EML6: variants seen among roughly 807,000 people sequenced by gnomAD.
EML6 encodes echinoderm microtubule-associated protein-like 6.
Under a neutral mutation model 240.1 loss-of-function variants are expected in EML6, and 154 were observed. The observed-to-expected ratio is 0.64, with a 90% CI of 0.56 to 0.73. The LOEUF (loss-of-function observed/expected upper bound fraction) is 0.73, where lower values mean the gene tolerates loss of function less well. EML6 is among the 30% of genes least tolerant of loss of function. The pLI, the probability that EML6 is intolerant of heterozygous loss-of-function variation, is 0.00. For missense variants in EML6, 2,964 were observed against 2,474.6 expected (o/e 1.20, Z -4.20); for synonymous variants, 1,148 against 899.0 (o/e 1.28, Z -4.95).
chr2:54,874,693 A>G (rs781677233), intron 16 of EML6, among the ~76,000 whole-genome samples: 1 of 152,194 alleles, frequency 6.6e-6, no homozygotes, highest in Non-Finnish European at 1.5e-5. Flanking sequence ...ATACAGATGA[A>G]TTGTAGTCAT....
At chr2:54,874,093 C>A (rs879589737) in intron 16 of EML6, among the ~76,000 whole-genome samples, 1 of 151,968 alleles carries the variant, frequency 6.6e-6, no homozygotes, top group Non-Finnish European at 1.5e-5. Context: ...TTTTTGAAAT[C>A]GAAATAATTA....
intron 17 of EML6, among the ~76,000 whole-genome samples, chr2:54,884,928 C>T (rs1672040219): frequency 6.6e-6 from 1 of 152,122 alleles, no homozygotes. Context: ...AATCCCAGCA[C>T]TCTGGGAGGC....
intron 26 of EML6, among the ~76,000 whole-genome samples, chr2:54,917,632 A>G (rs1444347429): frequency 6.6e-6 from 1 of 152,156 alleles, no homozygotes; most frequent in African/African-American, 2.4e-5. Flanking sequence ...AACTGCTGGG[A>G]TTATGGGCGT....
rs1670808562 is a variant in EML6 at position 54,863,789 on chromosome 2, G to A, written c.1832G>A (p.Gly611Glu). Residue 611 changes from glycine (G) to glutamate (E), a missense_variant, in exon 13 of 42, where the codon GGA becomes GAA. Physicochemically the swap from Gly to Glu is moderately conservative, Grantham distance 98. Coordinates refer to ENST00000356458, the MANE Select transcript of EML6 (RefSeq NM_001039753.4). ...GTGGGTTGTATCTCTGCAGAAGGTG[G>A]AGCTGATTCCTACAGTGAAGAATCT... ...GMLETAPQEG[G>E]ADSYSEESDS... is the part of the protein sequence containing the mutation. The A allele has an allele frequency of 6.5e-7, 1 of 1,535,196 alleles. No individual in the cohort carries two copies. Among genetic ancestry groups the A allele is most frequent in the African/African-American group, 1.4e-5 (1 of 72,584 alleles).
intron 32 of EML6, among the ~76,000 whole-genome samples, chr2:54,957,588 C>T (rs891758544): frequency 3.3e-5 from 5 of 152,184 alleles, no homozygotes; most frequent in East Asian, 3.9e-4. Context: ...GATCTGTTAC[C>T]AGCACCTGCT....
intron 7 of EML6, among the ~76,000 whole-genome samples, chr2:54,842,620 C>T (rs1461940316): frequency 1.3e-5 from 2 of 152,218 alleles, no homozygotes; most frequent in Admixed American, 6.5e-5. Flanking sequence ...GAGCCCATCA[C>T]ATCCTGGCCT....
chr2:54,891,935 A>G (rs1672489730), intron 18 of EML6, among the ~76,000 whole-genome samples: 1 of 152,164 alleles, frequency 6.6e-6, no homozygotes. Flanking sequence ...CCTACAAAAC[A>G]ATTCTTTTTT....
intron 29 of EML6, 74 bp from the exon 30 acceptor site, chr2:54,950,576 C>G (rs143818931): frequency 7.3e-6 from 11 of 1,504,192 alleles, no homozygotes; most frequent in Non-Finnish European, 9.9e-6. Context: ...AGGCTGCTCA[C>G]GCAATGTGGG....
At chr2:54,899,306 T>C (rs1312292315) in intron 21 of EML6, among the ~76,000 whole-genome samples, 1 of 152,214 alleles carries the variant, frequency 6.6e-6, no homozygotes, top group Non-Finnish European at 1.5e-5. Context: ...GTTTATTTAG[T>C]ATGAAACAAC....
rs148203181 is a variant in EML6 at position 54,886,842 on chromosome 2, T to A, written c.2439-4212T>A. On this transcript the variant is annotated intron_variant, in intron 17 of 41. Coordinates refer to ENST00000356458, the MANE Select transcript of EML6 (RefSeq NM_001039753.4). Reference sequence around the variant, plus strand: ...GATTTGCAAATAATTTCACCCATGTTCAAGTTTTTAGGCAAGAATGCTTTA... The same window carrying A: ...GATTTGCAAATAATTTCACCCATGTACAAGTTTTTAGGCAAGAATGCTTTA... 2.6e-3 allele frequency among the ~76,000 whole-genome samples: 391 copies of A among 152,342 alleles called. 4 individuals are homozygous for A. In the East Asian group the frequency reaches 0.026, roughly 10 times the overall value.
chr2:54,858,128 G>C (rs1670485289), intron 11 of EML6, among the ~76,000 whole-genome samples: 1 of 152,206 alleles, frequency 6.6e-6, no homozygotes, highest in Non-Finnish European at 1.5e-5. Context: ...TGAGGCCAGA[G>C]GATTCGCTTC....
intron 28 of EML6, among the ~76,000 whole-genome samples, chr2:54,929,015 C>T (rs1367585572): frequency 2.5e-5 from 3 of 121,598 alleles, no homozygotes; most frequent in South Asian, 3.3e-4. Context: ...GACTACACTT[C>T]TCCATGCCCA....
intron 39 of EML6, 155 bp downstream of exon 39, chr2:54,967,258 T>A (rs2104556879): frequency 1.8e-6 from 1 of 549,906 alleles, no homozygotes; most frequent in East Asian, 3.1e-5. Context: ...TCTTGGCTAG[T>A]CTAGTTTAGG....
chr2:54,921,738 C>T (rs780975320), intron 26 of EML6, among the ~76,000 whole-genome samples: 2 of 151,842 alleles, frequency 1.3e-5, no homozygotes, highest in East Asian at 1.9e-4. Context: ...ACACATAGAC[C>T]AATGAAACAG....
intron 2 of EML6, among the ~76,000 whole-genome samples, chr2:54,762,628 T>C (rs1390486184): frequency 1.3e-5 from 2 of 152,184 alleles, no homozygotes; most frequent in Non-Finnish European, 2.9e-5. Context: ...ATAAAGTGCT[T>C]CCTGCCCTTA....
At chr2:54,926,673 G>C (rs963135457) in intron 26 of EML6, among the ~76,000 whole-genome samples, 2 of 152,180 alleles carry the variant, frequency 1.3e-5, no homozygotes, top group African/African-American at 4.8e-5. Flanking sequence ...CTTTATTGTT[G>C]CATGGAGCAG....
chr2:54,935,281 C>G (rs945308171), intron 28 of EML6, among the ~76,000 whole-genome samples: 1 of 152,172 alleles, frequency 6.6e-6, no homozygotes, highest in Non-Finnish European at 1.5e-5. Context: ...CGTCTGGGCT[C>G]TATGAGTACA....
chr2:54,723,973 C>T (rs1440239690), intron 1 of EML6, among the ~76,000 whole-genome samples, 196 bp downstream of exon 1: 4 of 152,210 alleles, frequency 2.6e-5, no homozygotes, highest in Non-Finnish European at 5.9e-5. Context: ...CGGGCGACCC[C>T]TCTCCACGCT....
At chr2:54,795,130 G>A (rs1669690383) in intron 2 of EML6, among the ~76,000 whole-genome samples, 1 of 152,122 alleles carries the variant, frequency 6.6e-6, no homozygotes, top group African/African-American at 2.4e-5. Flanking sequence ...AATGAGTATA[G>A]TGAGTTTGTT....
Sources: allele counts gnomAD v4.1 joint callset (sites outside exome capture counted in the v4.1 genomes callset), GRCh38; gene constraint gnomAD v4.1.1; transcripts MANE v1.5; gene names NCBI Gene and HGNC (gene_info 2026-07-23, HGNC 2026-07-21).